LRRIQ3: variants seen among roughly 807,000 people sequenced by gnomAD.
LRRIQ3 encodes leucine-rich repeat and IQ domain-containing protein 3.
A neutral mutation model predicts 59.3 loss-of-function variants in LRRIQ3; 75 were observed. That is an observed-to-expected ratio of 1.26 (90% CI 1.05 to 1.53). LRRIQ3 has a LOEUF of 1.53. Among genes scored for constraint, LRRIQ3 ranks in the 40% most tolerant of loss-of-function variants. The pLI is 0.00. For missense variants in LRRIQ3, 831 were observed against 710.0 expected (o/e 1.17, Z -1.94); for synonymous variants, 250 against 231.3 (o/e 1.08, Z -0.73).
chr1:74,097,892 G>A (rs1379858566), intron 5 of LRRIQ3, among the ~76,000 whole-genome samples: 1 of 152,108 alleles, frequency 6.6e-6, no homozygotes, highest in Non-Finnish European at 1.5e-5. Context: ...CCCTAAAAGA[G>A]CTCCCGAAGG....
intron 6 of LRRIQ3, among the ~76,000 whole-genome samples, chr1:74,055,692 G>T (rs1221871002): frequency 6.6e-6 from 1 of 151,976 alleles, no homozygotes; most frequent in African/African-American, 2.4e-5. Context: ...TTTTTATGTG[G>T]ACATATGTTT....
intron 6 of LRRIQ3, among the ~76,000 whole-genome samples, chr1:74,073,692 A>T (rs1193431024): frequency 6.6e-6 from 1 of 152,132 alleles, no homozygotes; most frequent in Admixed American, 6.5e-5. Context: ...GGCAATGAGG[A>T]TCTAACAGAG....
chr1:74,192,803 C>A (rs1311235389), intron 1 of LRRIQ3, among the ~76,000 whole-genome samples: 2 of 152,048 alleles, frequency 1.3e-5, no homozygotes, highest in Non-Finnish European at 2.9e-5. Flanking sequence ...ACGTATGTGT[C>A]AGTTATTTAT....
chr1:74,134,408 G>A (rs138721141), intron 4 of LRRIQ3, among the ~76,000 whole-genome samples: 540 of 152,126 alleles, frequency 3.5e-3, no homozygotes, highest in Middle Eastern at 6.8e-3. Flanking sequence ...AGCAGACTGA[G>A]AGCAGATTGA....
intron 6 of LRRIQ3, among the ~76,000 whole-genome samples, chr1:74,060,545 C>T (rs183166614): frequency 6.6e-6 from 1 of 152,098 alleles, no homozygotes; most frequent in East Asian, 1.9e-4. Context: ...TTTTCACTTA[C>T]CTATCTATAT....
rs368219639 is a variant in LRRIQ3 at position 74,073,426 on chromosome 1, G to A, written c.997+1235C>T. ...ACTTAGGAGGCTGAGGTGGAGGATC[G>A]CTTGATCCTGGGGGGTCGAGGGTGC... On this transcript the variant is annotated intron_variant, in intron 6 of 7. Coordinates refer to ENST00000354431, the MANE Select transcript of LRRIQ3 (RefSeq NM_001105659.2). 5.9e-5 allele frequency among the ~76,000 whole-genome samples: 9 copies of A among 151,990 alleles called. No homozygotes were observed. The East Asian group carries it at 1.4e-3, about 23-fold the overall frequency.
At chr1:74,034,875 G>A (rs182836902) in intron 7 of LRRIQ3, among the ~76,000 whole-genome samples, 2 of 152,038 alleles carry the variant, frequency 1.3e-5, no homozygotes, top group Admixed American at 6.6e-5. Context: ...AATAAAATAA[G>A]CAGTTCTGAA....
rs139577059 is a variant in LRRIQ3, at chr1:74,081,117, C to A, written c.868-6327G>T. Among the ~76,000 whole-genome samples the A allele has an allele frequency of 2.3e-3, 345 of 151,656 alleles. 4 individuals carry two copies. Among genetic ancestry groups the A allele is most frequent in the African/African-American group, 7.5e-3 (313 of 41,496 alleles). ...TATCCTGCATTTGATATCAATCTTA[C>A]TTTATCTTAAGAGAGTGAACTAGAA... On this transcript the variant is annotated intron_variant, in intron 5 of 7. Transcript: ENST00000354431.
intron 3 of LRRIQ3, among the ~76,000 whole-genome samples, chr1:74,158,829 C>G (rs971265786): frequency 6.6e-6 from 1 of 152,042 alleles, no homozygotes; most frequent in African/African-American, 2.4e-5. Flanking sequence ...CCCATTCTTC[C>G]CTTCTTTAAC....
At chr1:74,166,650 C>T (rs1649010421) in intron 3 of LRRIQ3, among the ~76,000 whole-genome samples, 1 of 151,738 alleles carries the variant, frequency 6.6e-6, no homozygotes, top group Non-Finnish European at 1.5e-5. Context: ...GATATTTTCC[C>T]TCTTTTCCAA....
intron 3 of LRRIQ3, among the ~76,000 whole-genome samples, chr1:74,164,842 C>T (rs1032835948): frequency 4.3e-4 from 65 of 151,600 alleles, no homozygotes; most frequent in Non-Finnish European, 9.2e-4. Context: ...AAGTATGAAA[C>T]TTAGACTGAG....
intron 4 of LRRIQ3, among the ~76,000 whole-genome samples, chr1:74,141,931 CATT>C (rs1647271761): frequency 6.6e-6 from 1 of 151,648 alleles, no homozygotes; most frequent in Non-Finnish European, 1.5e-5. Context: ...AAAGAATTCT[CATT>C]ATTTTTAAAG....
intron 5 of LRRIQ3, chr1:74,084,176 A>G (rs1170091706): frequency 1.9e-6 from 3 of 1,547,256 alleles, no homozygotes; most frequent in Non-Finnish European, 2.6e-6. Context: ...ACACACATCC[A>G]GCCCACTTCA....
chr1:74,149,653 C>T (rs1406619302), intron 4 of LRRIQ3, among the ~76,000 whole-genome samples: 7 of 151,788 alleles, frequency 4.6e-5, no homozygotes, highest in Admixed American at 1.3e-4. Context: ...ATTTGTATTC[C>T]ATTTCATTCA....
intron 3 of LRRIQ3, chr1:74,180,503 A>G: frequency 4.4e-6 from 2 of 458,668 alleles, no homozygotes; most frequent in East Asian, 3.4e-5. Context: ...GACCAAACTT[A>G]TCTTTTCACC....
At chr1:74,164,396 A>G (rs950333116) in intron 3 of LRRIQ3, among the ~76,000 whole-genome samples, 26 of 151,662 alleles carry the variant, frequency 1.7e-4, no homozygotes, top group African/African-American at 4.6e-4. Flanking sequence ...AGGAAACACC[A>G]TGTAAAGACA....
chr1:74,102,941 T>C (rs894188844), intron 5 of LRRIQ3, among the ~76,000 whole-genome samples: 9 of 152,020 alleles, frequency 5.9e-5, no homozygotes, highest in African/African-American at 1.9e-4. Flanking sequence ...GAAAGGGCTA[T>C]AGCCTCCCTT....
At chr1:74,100,523 C>T (rs1180507796) in intron 5 of LRRIQ3, among the ~76,000 whole-genome samples, 1 of 151,992 alleles carries the variant, frequency 6.6e-6, no homozygotes, top group African/African-American at 2.4e-5. Context: ...CATAAAGCTA[C>T]TAATGACTTT....
chr1:74,190,136 A>T (rs141805449), intron 1 of LRRIQ3, among the ~76,000 whole-genome samples: 15 of 152,214 alleles, frequency 9.9e-5, no homozygotes, highest in African/African-American at 3.4e-4. Flanking sequence ...TGACCACAAA[A>T]TTGGAGCAAC....
Sources: allele counts gnomAD v4.1 joint callset (sites outside exome capture counted in the v4.1 genomes callset), GRCh38; gene constraint gnomAD v4.1.1; transcripts MANE v1.5; gene names NCBI Gene and HGNC (gene_info 2026-07-23, HGNC 2026-07-21).